AKR1A1: variants seen among roughly 807,000 people sequenced by gnomAD.
AKR1A1 encodes the protein HEL-S-165mP.
Under a neutral mutation model 39.2 loss-of-function variants are expected in AKR1A1, and 26 were observed. The observed-to-expected ratio is 0.66, with a 90% CI of 0.49 to 0.92. The LOEUF (loss-of-function observed/expected upper bound fraction) is 0.92, where lower values mean the gene tolerates loss of function less well. AKR1A1 is among the 40% of genes least tolerant of loss of function. The probability of loss-of-function intolerance (pLI) is 0.00; values close to 1 mark genes in which losing one functional copy is unlikely to be tolerated. For missense variants in AKR1A1, 378 were observed against 406.5 expected (o/e 0.93, Z 0.60); for synonymous variants, 141 against 155.5 (o/e 0.91, Z 0.69).
chr1:45,555,254 A>G (rs525706), intron 1 of AKR1A1, among the ~76,000 whole-genome samples: 2,406 of 152,268 alleles, frequency 0.016, 60 homozygotes, highest in African/African-American at 0.052. Flanking sequence ...TTGGGAGGCC[A>G]AGGTGGGTGG....
At position 45,568,159 on chromosome 1, in the gene AKR1A1, G is replaced by C. The variant is rs1226360759; in HGVS notation, c.534G>C (p.Val178=). The C allele has an allele frequency of 6.2e-7, 1 of 1,613,254 alleles. No individual in the cohort carries two copies. Among genetic ancestry groups the C allele is most frequent in the Non-Finnish European group, 8.5e-7 (1 of 1,179,646 alleles). ...ATGACATACTCAGTGTGGCCTCCGT[G>C]CGTCCAGCTGTCTTGCAGGTAAGGA... is the stretch of plus-strand genomic sequence containing the variant. ...QIDDILSVAS[V]RPAVLQVECH... Residue 178 remains valine (V), a synonymous_variant, in exon 5 of 9, where the codon GTG becomes GTC. Coordinates refer to ENST00000351829, the MANE Select transcript of AKR1A1 (RefSeq NM_153326.3).
intron 6 of AKR1A1, 93 bp downstream of exon 6, chr1:45,568,777 C>G: frequency 1.9e-6 from 3 of 1,557,950 alleles, no homozygotes; most frequent in Non-Finnish European, 2.6e-6. Context: ...GAGGATCTTG[C>G]CTTGTGATCT....
chr1:45,561,915 C>T, intron 2 of AKR1A1, 37 bp downstream of exon 2: 1 of 1,601,144 alleles, frequency 6.2e-7, no homozygotes, highest in East Asian at 2.2e-5. Context: ...ACTTGTTGAG[C>T]CTCTGCCTGC....
In AKR1A1 at chr1:45,567,020, A is replaced by G. The variant is rs1400727843; in HGVS notation, c.356A>G (p.Glu119Gly). 2 of 1,613,472 alleles carry G rather than the reference A, an allele frequency of 1.2e-6. No homozygotes were observed. Among genetic ancestry groups the G allele is most frequent in the South Asian group, 2.2e-5 (2 of 91,048 alleles). Residue 119 changes from glutamate to glycine, a missense_variant and splice_region_variant, in exon 4 of 9, where the codon GAG becomes GGG. Physicochemically the swap from Glu to Gly is moderately conservative, Grantham distance 98. Coordinates refer to ENST00000351829, the MANE Select transcript of AKR1A1 (RefSeq NM_153326.3). Reference protein sequence around the residue: ...LYLMHWPYAFERGDNPFPKNA... With the variant: ...LYLMHWPYAFGRGDNPFPKNA... The stretch of plus-strand genomic sequence containing the variant: ...CTGATGCACTGGCCTTATGCCTTTG[A>G]GTGAGCCTTGCCAGAGCCTCATCTG...
chr1:45,566,697 T>C lies in AKR1A1; in HGVS notation c.204+9T>C, dbSNP rs758706256. 29 of 1,613,970 alleles carry C rather than the reference T, an allele frequency of 1.8e-5. 1 individual carries two copies. In the Middle Eastern group the frequency reaches 6.6e-4, roughly 37 times the overall value. ...ACGTGGGACCAGGCAAGGTAAGGACTGGGGTTGTAAATAGAGGTGGGATAA... is the reference window on the plus strand; with the variant it reads ...ACGTGGGACCAGGCAAGGTAAGGACCGGGGTTGTAAATAGAGGTGGGATAA... On this transcript the variant is annotated intron_variant, in intron 3 of 8. Coordinates refer to ENST00000351829, the MANE Select transcript of AKR1A1 (RefSeq NM_153326.3).
intron 7 of AKR1A1, 68 bp from the exon 8 acceptor site, chr1:45,569,075 G>A (rs937194916): frequency 4.1e-5 from 66 of 1,603,194 alleles, no homozygotes; most frequent in Non-Finnish European, 5.5e-5. Flanking sequence ...GGCTAAAAAG[G>A]CAGTGTTGTG....
Position 45,567,989 on chromosome 1 carries a change from G to A in AKR1A1, c.364G>A (p.Asp122Asn). The A allele has an allele frequency of 6.2e-7, 1 of 1,612,414 alleles. No homozygotes were observed. The highest frequency in any genetic ancestry group is 8.5e-7 in the Non-Finnish European group (1 of 1,178,892). The change falls in exon 5 of 9, where the codon GAC becomes AAC. Residue 122 changes from aspartate to asparagine, a missense_variant. Physicochemically the swap from Asp to Asn is conservative, Grantham distance 23 (BLOSUM62 1). Transcript: ENST00000351829. Reference protein sequence around the residue: ...MHWPYAFERGDNPFPKNADGT... With the variant: ...MHWPYAFERGNNPFPKNADGT... Reference sequence around the variant, plus strand: ...GGGCTGTCTCTCACTCAGGCGGGGAGACAACCCCTTCCCCAAGAATGCTGA... The same window carrying A: ...GGGCTGTCTCTCACTCAGGCGGGGAAACAACCCCTTCCCCAAGAATGCTGA...
At chr1:45,554,660 C>T (rs1644177086) in intron 1 of AKR1A1, among the ~76,000 whole-genome samples, 1 of 152,108 alleles carries the variant, frequency 6.6e-6, no homozygotes, top group Non-Finnish European at 1.5e-5. Flanking sequence ...TAAATGCCTG[C>T]AAGGAACTAC....
At chr1:45,568,865 GA>G in intron 6 of AKR1A1, 61 bp from the exon 7 acceptor site, 2 of 1,580,464 alleles carry the variant, frequency 1.3e-6, no homozygotes, top group Non-Finnish European at 1.7e-6. Context: ...GCTGCATGGG[GA>G]ACAAAATAGT....
In AKR1A1 at chr1:45,569,292, G is replaced by C. The variant is rs1444710178; in HGVS notation, c.912+63G>C. 14 of 1,382,726 alleles carry C rather than the reference G, an allele frequency of 1.0e-5. No homozygotes were observed. In the East Asian group the frequency reaches 2.5e-4, roughly 25 times the overall value. 85.7% of individuals were successfully genotyped at this position (1,382,726 alleles called of 1,614,324 possible). ...AGATTTGGGGTGGGATTCTGGCCCA[G>C]GTGTGACCTAAGGCTTGCTGGTTGT... On this transcript the variant is annotated intron_variant, in intron 8 of 8. Coordinates refer to ENST00000351829, the MANE Select transcript of AKR1A1 (RefSeq NM_153326.3).
At chr1:45,568,738 A>T (rs1306825237) in intron 6 of AKR1A1, 54 bp downstream of exon 6, 1 of 1,599,190 alleles carries the variant, frequency 6.3e-7, no homozygotes, top group South Asian at 1.1e-5. Context: ...GGGTTAAGGG[A>T]TTTCTTATTT....
At chr1:45,566,515 C>T in intron 2 of AKR1A1, 54 bp from the exon 3 acceptor site, 1 of 1,607,132 alleles carries the variant, frequency 6.2e-7, no homozygotes, top group East Asian at 2.2e-5. Flanking sequence ...GGGGTGGTGA[C>T]AGTAGAAGGC....
chr1:45,569,175 G>A lies in AKR1A1; in HGVS notation c.858G>A (p.Met286Ile), dbSNP rs1012276868. The change falls in exon 8 of 9, where the codon ATG (methionine) becomes ATA (isoleucine). Residue 286 changes from methionine (M) to isoleucine (I), a missense_variant. Coordinates refer to ENST00000351829, the MANE Select transcript of AKR1A1 (RefSeq NM_153326.3). Reference sequence around the variant, plus strand: ...ACTTCACCTTTAGCCCAGAAGAGATGAAGCAGCTAAATGCCCTGAACAAAA... The same window carrying A: ...ACTTCACCTTTAGCCCAGAAGAGATAAAGCAGCTAAATGCCCTGAACAAAA... ...VFDFTFSPEE[M>I]KQLNALNKNW... 2 of 1,614,062 alleles carry A rather than the reference G, an allele frequency of 1.2e-6. No homozygotes were observed. The highest frequency in any genetic ancestry group is 1.7e-6 in the Non-Finnish European group (2 of 1,180,018).
intron 2 of AKR1A1, among the ~76,000 whole-genome samples, chr1:45,565,259 T>C (rs1644326441): frequency 6.7e-6 from 1 of 150,228 alleles, no homozygotes; most frequent in Non-Finnish European, 1.5e-5. Context: ...GCCTCCCAAG[T>C]ACCCGGGATT....
chr1:45,564,844 A>G (rs962399364), intron 2 of AKR1A1, among the ~76,000 whole-genome samples: 1 of 151,522 alleles, frequency 6.6e-6, no homozygotes, highest in Non-Finnish European at 1.5e-5. Context: ...TATTTTTGAG[A>G]TGGAGTCTTG....
chr1:45,558,529 A>G (rs896248275), intron 1 of AKR1A1, among the ~76,000 whole-genome samples: 3 of 150,412 alleles, frequency 2.0e-5, no homozygotes, highest in Non-Finnish European at 4.4e-5. Flanking sequence ...CCTTCTGAGT[A>G]TCTGGGACCA....
In AKR1A1 at chr1:45,569,963, A is replaced by G. The variant is rs1281379228; in HGVS notation, c.*7A>G. On this transcript the variant is annotated 3_prime_UTR_variant, in exon 9 of 9. Coordinates refer to ENST00000351829, the MANE Select transcript of AKR1A1 (RefSeq NM_153326.3). The stretch of plus-strand genomic sequence containing the variant: ...CTTTAATGACCCGTACTGAGACCAC[A>G]GCTTCTTGGCCTCCCTTCCAGCTCT... 3 of 1,613,660 alleles carry G rather than the reference A, an allele frequency of 1.9e-6. No homozygotes were observed. The highest frequency in any genetic ancestry group is 2.5e-6 in the Non-Finnish European group (3 of 1,179,674).
In AKR1A1 at chr1:45,569,748, C is replaced by T. The variant is rs981446660; in HGVS notation, c.913-143C>T. 1.8e-4 allele frequency: 122 copies of T among 695,386 alleles called. 1 individual carries two copies. Among genetic ancestry groups the T allele is most frequent in the Non-Finnish European group, 2.5e-4 (97 of 395,548 alleles). 43.1% of individuals were successfully genotyped at this position (695,386 alleles called of 1,614,324 possible). Reference sequence around the variant, plus strand: ...AATGGTGTTGATACTGTGGTGTTCTCTGAGGATGGGGATCCCAGCCAATGC... The same window carrying T: ...AATGGTGTTGATACTGTGGTGTTCTTTGAGGATGGGGATCCCAGCCAATGC... On this transcript the variant is annotated intron_variant, in intron 8 of 8. Transcript: ENST00000351829.
chr1:45,551,495 C>T (rs1262585933), intron 1 of AKR1A1, among the ~76,000 whole-genome samples: 3 of 152,200 alleles, frequency 2.0e-5, no homozygotes, highest in African/African-American at 7.2e-5. Flanking sequence ...CCAGCTGCTC[C>T]GGCTTTCTTA....
Sources: allele counts gnomAD v4.1 joint callset (sites outside exome capture counted in the v4.1 genomes callset), GRCh38; gene constraint gnomAD v4.1.1; transcripts MANE v1.5; gene names NCBI Gene and HGNC (gene_info 2026-07-23, HGNC 2026-07-21).